Variants in STARD3 observed in about 807,000 individuals in gnomAD.
STARD3 encodes the protein stAR-related lipid transfer protein 3.
STARD3 carries 39 observed loss-of-function variants against 62.0 expected under a neutral mutation model. The ratio of observed to expected loss-of-function variants is 0.63; its 90% CI spans 0.49 to 0.82. The LOEUF (loss-of-function observed/expected upper bound fraction) is 0.82, where lower values mean the gene tolerates loss of function less well. Among genes scored for constraint, STARD3 ranks in the 40% least tolerant of loss-of-function variants. The pLI, the probability that STARD3 is intolerant of heterozygous loss-of-function variation, is 0.00. For synonymous variants in STARD3, 229 were observed against 242.4 expected (o/e 0.94, Z 0.51); for missense variants, 543 against 584.5 (o/e 0.93, Z 0.73).
Position 39,660,994 on chromosome 17 carries a change from G to A in STARD3, c.1048G>A (p.Val350Ile), listed in dbSNP as rs775258400. 66 of 1,613,664 alleles carry A rather than the reference G, an allele frequency of 4.1e-5. 1 individual carries two copies. The East Asian group carries it at 1.0e-3, about 25-fold the overall frequency. The change falls in exon 13 of 15, where the codon GTC becomes ATC. Residue 350 changes from valine (V) to isoleucine (I), a missense_variant. Val to Ile is a conservative substitution (Grantham distance 29, BLOSUM62 3). Transcript: ENST00000336308. The surrounding 1 kb of genome is among the most constrained non-coding windows in gnomAD (Gnocchi z 4.8). ...TCCCTCCCGCAGGGACTTCGTGAAT[G>A]TCCGGCGCATTGAGCGGCGCAGGGA... Reference protein sequence around the residue: ...GVVSPRDFVNVRRIERRRDRY... With the variant: ...GVVSPRDFVNIRRIERRRDRY...
chr17:39,657,095 C>T lies in STARD3; in HGVS notation c.297+10C>T. ...CTTCTTCGACATCTTTGTGAGTGGCCTTGGCTGATCCTGGGGACCCCGGAG... is the reference window on the plus strand; with the variant it reads ...CTTCTTCGACATCTTTGTGAGTGGCTTTGGCTGATCCTGGGGACCCCGGAG... On this transcript the variant is annotated intron_variant, in intron 3 of 14. Transcript: ENST00000336308. The T allele has an allele frequency of 6.2e-7, 1 of 1,613,868 alleles. No homozygotes were observed. Among genetic ancestry groups the T allele is most frequent in the South Asian group, 1.1e-5 (1 of 91,074 alleles).
chr17:39,661,355 G>A lies in STARD3; in HGVS notation c.1139+270G>A, dbSNP rs1172781168. 6 of 506,556 alleles carry A rather than the reference G, an allele frequency of 1.2e-5. 1 individual carries two copies. Among genetic ancestry groups the A allele is most frequent in the Non-Finnish European group, 7.2e-6 (2 of 277,950 alleles). The allele number at this position is 506,556 out of a possible 1,614,324, so 31.4% of individuals were successfully genotyped here. ...GCTGGCTGGGGTAGACCATGGATGG[G>A]GACCCGTGCAGGGAAGGGGCCTGAG... On this transcript the variant is annotated intron_variant, in intron 13 of 14. Transcript: ENST00000336308.
chr17:39,663,132 T>G lies in STARD3; in HGVS notation c.*224T>G, dbSNP rs1049983577. 1.3e-4 allele frequency: 60 copies of G among 476,284 alleles called. No homozygotes were observed. The Middle Eastern group carries it at 2.7e-3, about 21-fold the overall frequency. 29.5% of individuals were successfully genotyped at this position (476,284 alleles called of 1,614,324 possible). A position where few individuals can be genotyped will look rare whatever the true frequency, so the allele number is the denominator to read the frequency against. On this transcript the variant is annotated 3_prime_UTR_variant, in exon 15 of 15. Transcript: ENST00000336308. ...GAGGAAGTGGGGTCTGGCCTGTTGA[T>G]GTTTACATGGCGCCCTGCCTCCTGG...
intron 14 of STARD3, chr17:39,662,561 AGGCCCTGAGGAAGGGTGGCTGGT>A (rs2057212011): frequency 1.6e-6 from 1 of 629,362 alleles, no homozygotes; most frequent in Admixed American, 3.0e-5. Context: ...CTGAGTCCTG[AGGCCCTGAGGAAGGGTGGCTGGT>A]GGCCAGCCCG....
chr17:39,663,532 G>T lies in STARD3; in HGVS notation c.*624G>T, dbSNP rs2057225110. 2 of 152,762 alleles carry T rather than the reference G, an allele frequency of 1.3e-5. No individual in the cohort carries two copies. The highest frequency in any genetic ancestry group is 2.1e-4 in the South Asian group (1 of 4,822). 9.5% of individuals were successfully genotyped at this position (152,762 alleles called of 1,614,324 possible). A position where few individuals can be genotyped will look rare whatever the true frequency, so the allele number is the denominator to read the frequency against. On this transcript the variant is annotated 3_prime_UTR_variant, in exon 15 of 15. Coordinates refer to ENST00000336308, the MANE Select transcript of STARD3 (RefSeq NM_006804.4). Reference sequence around the variant, plus strand: ...GCCTCTTGAGGGAAGAGAAAGGCAGGCAGCAGCTTGGATGAAGAGGGAAGA... The same window carrying T: ...GCCTCTTGAGGGAAGAGAAAGGCAGTCAGCAGCTTGGATGAAGAGGGAAGA...
chr17:39,653,796 C>A (rs570311294), intron 2 of STARD3, 46 bp downstream of exon 2: 3 of 1,606,316 alleles, frequency 1.9e-6, no homozygotes, highest in Non-Finnish European at 2.6e-6. Flanking sequence ...GCAGGCCACC[C>A]GGGCCTCAGT....
At chr17:39,649,022 G>C (rs2057052843) in intron 1 of STARD3, among the ~76,000 whole-genome samples, 1 of 152,304 alleles carries the variant, frequency 6.6e-6, no homozygotes, top group Non-Finnish European at 1.5e-5. Flanking sequence ...GGAGGGAGGA[G>C]AGAGGCAGAT....
chr17:39,657,687 G>C (rs1049604922), intron 3 of STARD3, 88 bp from the exon 4 acceptor site: 2 of 1,438,328 alleles, frequency 1.4e-6, no homozygotes, highest in Non-Finnish European at 2.0e-6. Flanking sequence ...GGAAGGGAAC[G>C]TGGGGGCAGG....
chr17:39,638,311 G>T (rs980734837), intron 1 of STARD3, among the ~76,000 whole-genome samples: 2 of 152,182 alleles, frequency 1.3e-5, no homozygotes, highest in African/African-American at 4.8e-5. Context: ...AAGTCTTACG[G>T]TGCCAGTTCC....
At chr17:39,643,472 G>A (rs1597787989) in intron 1 of STARD3, among the ~76,000 whole-genome samples, 1 of 152,112 alleles carries the variant, frequency 6.6e-6, no homozygotes, top group Non-Finnish European at 1.5e-5. Flanking sequence ...TAAGGAGATG[G>A]TGTCTGCATG....
Position 39,660,675 on chromosome 17 carries a change from C to T in STARD3, c.955-135C>T. ...CTGCTCGGGAGGGTCGGGAGGAGGG[C>T]AGGAGGAGTGCTCATCAGGCGCTGC... On this transcript the variant is annotated intron_variant, in intron 11 of 14. Coordinates refer to ENST00000336308, the MANE Select transcript of STARD3 (RefSeq NM_006804.4). The surrounding 1 kb of genome is among the most constrained non-coding windows in gnomAD (Gnocchi z 4.8). 1 of 1,342,174 alleles carries T rather than the reference C, an allele frequency of 7.5e-7. No homozygotes were observed. The highest frequency in any genetic ancestry group is 1.8e-5 in the Admixed American group (1 of 55,984). The allele number at this position is 1,342,174 out of a possible 1,614,324, so 83.1% of individuals were successfully genotyped here.
chr17:39,658,137 G>C (rs903983541), intron 5 of STARD3, 111 bp downstream of exon 5: 1 of 1,229,450 alleles, frequency 8.1e-7, no homozygotes, highest in Non-Finnish European at 1.2e-6. Flanking sequence ...TCCGGGTTAG[G>C]GGGAGAGGGA....
intron 1 of STARD3, among the ~76,000 whole-genome samples, chr17:39,637,930 G>A (rs891600873): frequency 1.3e-5 from 2 of 152,120 alleles, no homozygotes; most frequent in African/African-American, 4.8e-5. Context: ...TAAATACCCA[G>A]ATCCACATCT....
intron 1 of STARD3, among the ~76,000 whole-genome samples, chr17:39,639,907 C>T (rs926514286): frequency 2.0e-5 from 3 of 152,214 alleles, no homozygotes; most frequent in Admixed American, 1.3e-4. Context: ...GCTTTTCTGA[C>T]TTCACTCATT....
At chr17:39,658,077 A>G in intron 5 of STARD3, 51 bp downstream of exon 5, 2 of 1,532,970 alleles carry the variant, frequency 1.3e-6, no homozygotes, top group Non-Finnish European at 1.8e-6. Context: ...CCTGAGTGGT[A>G]TGCTTCTAGA....
intron 13 of STARD3, chr17:39,661,395 T>G (rs1299011206): frequency 2.4e-6 from 1 of 411,080 alleles, no homozygotes; most frequent in African/African-American, 2.0e-5. Flanking sequence ...ATGTGCTCAC[T>G]CTGGGCTGAT....
At position 39,661,045 on chromosome 17, in the gene STARD3, A is replaced by C. The variant is rs779869525; in HGVS notation, c.1099A>C (p.Thr367Pro). ...CCGATACTTGTCATCAGGGATCGCC[A>C]CCTCACACAGTGCCAAGCCCCCGAC... is the stretch of plus-strand genomic sequence containing the variant. ...RDRYLSSGIA[T>P]SHSAKPPTHK... The change falls in exon 13 of 15, where the codon ACC becomes CCC. Residue 367 changes from threonine to proline, a missense_variant. Transcript: ENST00000336308. 19 of 1,613,676 alleles carry C rather than the reference A, an allele frequency of 1.2e-5. No individual in the cohort carries two copies. Among genetic ancestry groups the C allele is most frequent in the Non-Finnish European group, 1.5e-5 (18 of 1,180,012 alleles).
Position 39,661,258 on chromosome 17 carries a change from C to T in STARD3, c.1139+173C>T, listed in dbSNP as rs2145046969. Reference sequence around the variant, plus strand: ...TACTAATCCTGCTAATCTTGCTGCTCTGTCTGTGGAGATGGGGGGTGGTGG... The same window carrying T: ...TACTAATCCTGCTAATCTTGCTGCTTTGTCTGTGGAGATGGGGGGTGGTGG... On this transcript the variant is annotated intron_variant, in intron 13 of 14. Coordinates refer to ENST00000336308, the MANE Select transcript of STARD3 (RefSeq NM_006804.4). 3 of 635,466 alleles carry T rather than the reference C, an allele frequency of 4.7e-6. 1 individual carries two copies. The South Asian group carries it at 5.7e-5, about 12-fold the overall frequency. The allele number at this position is 635,466 out of a possible 1,614,324, so 39.4% of individuals were successfully genotyped here. A position where few individuals can be genotyped will look rare whatever the true frequency, so the allele number is the denominator to read the frequency against.
rs1478362172 is a variant in STARD3, at chr17:39,658,113, G to A, written c.429+87G>A. ...GAGGAGCATTTCTCTAATTTGGGGTGTCTGTCCCTGTTGTCCGGGTTAGGG... is the reference window on the plus strand; with the variant it reads ...GAGGAGCATTTCTCTAATTTGGGGTATCTGTCCCTGTTGTCCGGGTTAGGG... On this transcript the variant is annotated intron_variant, in intron 5 of 14. Coordinates refer to ENST00000336308, the MANE Select transcript of STARD3 (RefSeq NM_006804.4). 5.6e-6 allele frequency: 8 copies of A among 1,416,730 alleles called. No individual in the cohort carries two copies. The African/African-American group carries it at 7.1e-5, about 13-fold the overall frequency. 87.8% of individuals were successfully genotyped at this position (1,416,730 alleles called of 1,614,324 possible). A position where few individuals can be genotyped will look rare whatever the true frequency, so the allele number is the denominator to read the frequency against.
Sources: allele counts gnomAD v4.1 joint callset (sites outside exome capture counted in the v4.1 genomes callset), GRCh38; gene constraint gnomAD v4.1.1; non-coding constraint Gnocchi (gnomAD v3.1); transcripts MANE v1.5; gene names NCBI Gene and HGNC (gene_info 2026-07-23, HGNC 2026-07-21).